Variants in PPP1R14C observed in about 807,000 individuals in gnomAD.
PPP1R14C encodes the protein protein phosphatase 1 regulatory subunit 14C.
PPP1R14C carries 16 observed loss-of-function variants against 20.4 expected under a neutral mutation model. That is an observed-to-expected ratio of 0.78 (90% CI 0.53 to 1.19). The LOEUF (loss-of-function observed/expected upper bound fraction) is 1.19, where lower values mean the gene tolerates loss of function less well. Ranked by LOEUF, PPP1R14C falls within the 50% of genes most tolerant of loss-of-function variation. PPP1R14C has a pLI of 0.00. For missense variants in PPP1R14C, 211 were observed against 220.1 expected (o/e 0.96, Z 0.26); for synonymous variants, 91 against 91.0 (o/e 1.00, Z 0.00).
chr6:150,236,182 A>G lies in PPP1R14C; in HGVS notation c.424-12564A>G, dbSNP rs376054569. On this transcript the variant is annotated intron_variant, in intron 3 of 3. Transcript: ENST00000361131. The stretch of plus-strand genomic sequence containing the variant: ...TGTGTGACCTCAGACAAACCGCTAA[A>G]CCCTTGTGAGCCTGGTTTATAATAC... 1.0e-3 allele frequency among the ~76,000 whole-genome samples: 153 copies of G among 152,170 alleles called. 2 individuals are homozygous for G. Among genetic ancestry groups the G allele is most frequent in the African/African-American group, 3.5e-3 (145 of 41,504 alleles).
intron 1 of PPP1R14C, among the ~76,000 whole-genome samples, chr6:150,161,077 C>T (rs1317465488): frequency 3.3e-5 from 5 of 151,934 alleles, no homozygotes; most frequent in Admixed American, 2.6e-4. Flanking sequence ...GTCAGGAGTT[C>T]GAGATCAGCC....
chr6:150,209,157 G>A (rs555620751), intron 1 of PPP1R14C, among the ~76,000 whole-genome samples: 9 of 152,238 alleles, frequency 5.9e-5, no homozygotes, highest in African/African-American at 2.2e-4. Flanking sequence ...GTTTAATCCC[G>A]TGTTACGTTG....
chr6:150,195,380 C>T (rs1032100481), intron 1 of PPP1R14C, among the ~76,000 whole-genome samples: 2 of 152,204 alleles, frequency 1.3e-5, no homozygotes, highest in African/African-American at 2.4e-5. Context: ...GATAGAGTGT[C>T]GCTATTGCCC....
At chr6:150,161,140 C>G (rs1243215265) in intron 1 of PPP1R14C, among the ~76,000 whole-genome samples, 1 of 151,840 alleles carries the variant, frequency 6.6e-6, no homozygotes, top group Non-Finnish European at 1.5e-5. Context: ...ATTAGCCAGA[C>G]GTGGTGGCAT....
At chr6:150,217,237 G>A (rs768545891) in intron 3 of PPP1R14C, among the ~76,000 whole-genome samples, 28 of 148,258 alleles carry the variant, frequency 1.9e-4, no homozygotes, top group African/African-American at 5.2e-4. Flanking sequence ...GCTCTGTTGC[G>A]CAGGTTGGAG....
intron 1 of PPP1R14C, among the ~76,000 whole-genome samples, chr6:150,205,831 AAT>A (rs1005980157): frequency 6.6e-5 from 10 of 152,012 alleles, no homozygotes; most frequent in Admixed American, 5.2e-4. Context: ...AAGAAAAAGA[AAT>A]ATATATATCA....
At chr6:150,189,635 T>C (rs1411171449) in intron 1 of PPP1R14C, among the ~76,000 whole-genome samples, 2 of 152,208 alleles carry the variant, frequency 1.3e-5, no homozygotes, top group Admixed American at 6.5e-5. Flanking sequence ...AGGCTTTCTG[T>C]TGATGGCTAA....
chr6:150,214,337 A>G (rs1481445305), intron 1 of PPP1R14C, among the ~76,000 whole-genome samples: 2 of 152,212 alleles, frequency 1.3e-5, no homozygotes, highest in East Asian at 1.9e-4. Flanking sequence ...GTCTCCCCTT[A>G]TATACTTACA....
chr6:150,155,209 T>C (rs1261683936), intron 1 of PPP1R14C, among the ~76,000 whole-genome samples: 1 of 152,218 alleles, frequency 6.6e-6, no homozygotes, highest in Non-Finnish European at 1.5e-5. Flanking sequence ...AATTACTTTC[T>C]GTTGGGGAGT....
intron 3 of PPP1R14C, among the ~76,000 whole-genome samples, chr6:150,221,346 G>T (rs774698663): frequency 3.9e-5 from 6 of 152,186 alleles, no homozygotes; most frequent in Non-Finnish European, 8.8e-5. Context: ...CTGATCTTGT[G>T]CTCTTTCTTT....
Position 150,237,014 on chromosome 6 carries a change from A to G in PPP1R14C, c.424-11732A>G, listed in dbSNP as rs534042449. ...GTGGAACACTGACAGCTTCCTCAGAAGAAACACATGTGTGCTGCGCCCAGC... is the reference window on the plus strand; with the variant it reads ...GTGGAACACTGACAGCTTCCTCAGAGGAAACACATGTGTGCTGCGCCCAGC... On this transcript the variant is annotated intron_variant, in intron 3 of 3. Coordinates refer to ENST00000361131, the MANE Select transcript of PPP1R14C (RefSeq NM_030949.3). 2.0e-5 allele frequency among the ~76,000 whole-genome samples: 3 copies of G among 152,268 alleles called. No individual in the cohort carries two copies. In the South Asian group the frequency reaches 6.2e-4, roughly 32 times the overall value.
At chr6:150,240,107 G>T (rs755031525) in intron 3 of PPP1R14C, among the ~76,000 whole-genome samples, 3 of 152,006 alleles carry the variant, frequency 2.0e-5, no homozygotes, top group African/African-American at 7.2e-5. Flanking sequence ...TGAAACAAAA[G>T]CCGATTCTTT....
At chr6:150,173,733 C>T (rs1421859209) in intron 1 of PPP1R14C, among the ~76,000 whole-genome samples, 1 of 152,122 alleles carries the variant, frequency 6.6e-6, no homozygotes, top group East Asian at 1.9e-4. Context: ...CCAGCCAGCG[C>T]TAGGAATGGA....
At position 150,162,559 on chromosome 6, in the gene PPP1R14C, T is replaced by C. The variant is rs559805638; in HGVS notation, c.306+19061T>C. On this transcript the variant is annotated intron_variant, in intron 1 of 3. Transcript: ENST00000361131. ...TTTTTATGGCTGAATAAGATGCCATTGTACAAATGTACCACAGTTTATCCA... is the reference window on the plus strand; with the variant it reads ...TTTTTATGGCTGAATAAGATGCCATCGTACAAATGTACCACAGTTTATCCA... Among the ~76,000 whole-genome samples, 5 of 152,354 alleles carry C rather than the reference T, an allele frequency of 3.3e-5. No individual in the cohort carries two copies. The East Asian group carries it at 9.6e-4, about 29-fold the overall frequency.
intron 1 of PPP1R14C, among the ~76,000 whole-genome samples, chr6:150,191,868 TG>T (rs2114888371): frequency 6.6e-6 from 1 of 152,294 alleles, no homozygotes; most frequent in Admixed American, 6.5e-5. Flanking sequence ...TGACTATTCA[TG>T]AAGGAAATGG....
intron 3 of PPP1R14C, among the ~76,000 whole-genome samples, chr6:150,231,534 C>T (rs1445264556): frequency 6.6e-6 from 1 of 152,176 alleles, no homozygotes; most frequent in African/African-American, 2.4e-5. Flanking sequence ...TCTTTTTCTT[C>T]ACTTTTATGC....
chr6:150,239,472 A>C (rs1778406538), intron 3 of PPP1R14C, among the ~76,000 whole-genome samples: 1 of 152,254 alleles, frequency 6.6e-6, no homozygotes, highest in Non-Finnish European at 1.5e-5. Context: ...ACACATTTCT[A>C]ACCCACAGTC....
chr6:150,158,045 C>T (rs1562257406), intron 1 of PPP1R14C, among the ~76,000 whole-genome samples: 1 of 152,168 alleles, frequency 6.6e-6, no homozygotes. Context: ...GCAGGCTGCC[C>T]ACTACCTACC....
At chr6:150,186,627 C>A (rs17079395) in intron 1 of PPP1R14C, among the ~76,000 whole-genome samples, 5 of 152,132 alleles carry the variant, frequency 3.3e-5, no homozygotes, top group African/African-American at 1.2e-4. Flanking sequence ...AACATCATGG[C>A]GGCTCAGAGA....
Sources: allele counts gnomAD v4.1 joint callset (sites outside exome capture counted in the v4.1 genomes callset), GRCh38; gene constraint gnomAD v4.1.1; transcripts MANE v1.5; gene names NCBI Gene and HGNC (gene_info 2026-07-23, HGNC 2026-07-21).